SLC30A8: variants seen among roughly 807,000 people sequenced by gnomAD.
The protein encoded by SLC30A8 is proton-coupled zinc antiporter SLC30A8.
In SLC30A8, 27 loss-of-function variants were observed where a neutral mutation model predicts 36.9. The ratio of observed to expected loss-of-function variants is 0.73; its 90% CI spans 0.54 to 1.01. The LOEUF (loss-of-function observed/expected upper bound fraction) is 1.01, where lower values mean the gene tolerates loss of function less well. SLC30A8 is among the 50% of genes least tolerant of loss of function. SLC30A8 has a pLI of 0.00. For missense variants in SLC30A8, 439 were observed against 452.0 expected (o/e 0.97, Z 0.26); for synonymous variants, 164 against 172.4 (o/e 0.95, Z 0.38).
chr8:116,959,432 A>G (rs891994411), intron 1 of SLC30A8, among the ~76,000 whole-genome samples: 6 of 152,148 alleles, frequency 3.9e-5, no homozygotes, highest in African/African-American at 1.4e-4. Context: ...ATTGGCTTCA[A>G]TTGATCGATT....
chr8:117,010,307 T>C (rs1816304357), intron 1 of SLC30A8, among the ~76,000 whole-genome samples: 1 of 152,132 alleles, frequency 6.6e-6, no homozygotes. Context: ...GAAAGGTCAG[T>C]TGTGAGTCCT....
At chr8:117,129,763 T>G (rs997231105) in intron 2 of SLC30A8, 5 of 152,078 alleles carry the variant, frequency 3.3e-5, no homozygotes, top group Non-Finnish European at 7.4e-5. Flanking sequence ...GAGAATAATC[T>G]TTGCTTTAGA....
chr8:117,084,500 C>T (rs1818795162), intron 2 of SLC30A8, among the ~76,000 whole-genome samples: 1 of 152,108 alleles, frequency 6.6e-6, no homozygotes, highest in Non-Finnish European at 1.5e-5. Context: ...TCTTTTACCC[C>T]AGTAATTACC....
intron 1 of SLC30A8, among the ~76,000 whole-genome samples, chr8:116,960,987 C>T (rs904893733): frequency 6.8e-6 from 1 of 147,726 alleles, no homozygotes; most frequent in Admixed American, 6.8e-5. Context: ...ATTATTAGTA[C>T]AGAAGGAAGG....
At chr8:117,079,880 C>T (rs530171089) in intron 2 of SLC30A8, among the ~76,000 whole-genome samples, 18 of 152,300 alleles carry the variant, frequency 1.2e-4, no homozygotes, top group Admixed American at 1.1e-3. Flanking sequence ...TTTAGACTAA[C>T]TTGAATTGAA....
rs772917196 is a variant in SLC30A8, at chr8:116,994,009, G to C, written c.-266+42890G>C. Among the ~76,000 whole-genome samples, 6 of 151,038 alleles carry C rather than the reference G, an allele frequency of 4.0e-5. 1 individual carries two copies. The highest frequency in any genetic ancestry group is 1.5e-4 in the African/African-American group (6 of 40,932). On this transcript the variant is annotated intron_variant, in intron 1 of 10. Transcript: ENST00000427715. ...TATACTTACTAGAGAAATGGGATCT[G>C]TAATTAAAAATCTTGCTACAAACAA...
chr8:116,990,545 C>T (rs1484152856), intron 1 of SLC30A8, among the ~76,000 whole-genome samples: 1 of 152,114 alleles, frequency 6.6e-6, no homozygotes, highest in African/African-American at 2.4e-5. Flanking sequence ...CAGTACTCCT[C>T]AAAACTGTCT....
At chr8:117,064,639 G>T (rs116775906) in intron 2 of SLC30A8, among the ~76,000 whole-genome samples, 1,779 of 152,316 alleles carry the variant, frequency 0.012, 52 homozygotes, top group African/African-American at 0.04. Flanking sequence ...ATGGCAGGGG[G>T]ATGACTCACC....
intron 1 of SLC30A8, among the ~76,000 whole-genome samples, chr8:117,140,370 G>GAATATTAATCTACACATTC (rs1225224527): frequency 6.6e-6 from 1 of 151,896 alleles, no homozygotes; most frequent in African/African-American, 2.4e-5. Flanking sequence ...GAAGTTTGTT[G>GAATATTAATCTACACATTC]AATATTAATC....
At chr8:117,085,571 A>T (rs1349969813) in intron 2 of SLC30A8, among the ~76,000 whole-genome samples, 1 of 152,192 alleles carries the variant, frequency 6.6e-6, no homozygotes, top group Non-Finnish European at 1.5e-5. Flanking sequence ...TACAGGGAAA[A>T]ATATGAGACC....
Position 117,118,328 on chromosome 8 carries a change from T to C in SLC30A8, c.-225-16952T>C, listed in dbSNP as rs1299702868. On this transcript the variant is annotated intron_variant, in intron 2 of 10. Coordinates refer to the SLC30A8 transcript ENST00000427715. Reference sequence around the variant, plus strand: ...TCTAATTTCTCTTCAACTTTTGACATACAACTCAAAACACCTTTTCACAGA... The same window carrying C: ...TCTAATTTCTCTTCAACTTTTGACACACAACTCAAAACACCTTTTCACAGA... Among the ~76,000 whole-genome samples, 6 of 152,104 alleles carry C rather than the reference T, an allele frequency of 3.9e-5. No individual in the cohort carries two copies. The East Asian group carries it at 1.2e-3, about 30-fold the overall frequency.
intron 2 of SLC30A8, among the ~76,000 whole-genome samples, chr8:117,054,513 G>A (rs1390865600): frequency 6.6e-6 from 1 of 152,092 alleles, no homozygotes; most frequent in Non-Finnish European, 1.5e-5. Context: ...TATCCAGTTT[G>A]TCACCATCAA....
chr8:117,013,526 A>G (rs1235810990), intron 1 of SLC30A8, among the ~76,000 whole-genome samples: 1 of 152,208 alleles, frequency 6.6e-6, no homozygotes, highest in Non-Finnish European at 1.5e-5. Flanking sequence ...AAAAGAAAAT[A>G]AAATATTAAT....
chr8:117,016,243 C>T (rs959375218), intron 1 of SLC30A8, among the ~76,000 whole-genome samples: 1 of 152,106 alleles, frequency 6.6e-6, no homozygotes, highest in African/African-American at 2.4e-5. Flanking sequence ...TAACCTTGCG[C>T]ACAGAAAATG....
intron 1 of SLC30A8, among the ~76,000 whole-genome samples, chr8:116,989,069 G>C (rs567424135): frequency 6.6e-6 from 1 of 152,262 alleles, no homozygotes; most frequent in Admixed American, 6.5e-5. Flanking sequence ...AAATAGGCAG[G>C]ATCACATTTA....
chr8:117,087,695 C>CT (rs1818935800), intron 2 of SLC30A8, among the ~76,000 whole-genome samples: 1 of 152,124 alleles, frequency 6.6e-6, no homozygotes, highest in Non-Finnish European at 1.5e-5. Flanking sequence ...CTCTTAGCAA[C>CT]TGATGATACT....
At chr8:117,061,828 A>T (rs193180342) in intron 2 of SLC30A8, among the ~76,000 whole-genome samples, 34 of 152,348 alleles carry the variant, frequency 2.2e-4, no homozygotes, top group Admixed American at 2.2e-3. Flanking sequence ...AGGGCTGAGC[A>T]GGAAATCATG....
intron 1 of SLC30A8, among the ~76,000 whole-genome samples, chr8:117,026,456 A>G (rs138316631): frequency 6.0e-4 from 92 of 152,280 alleles, no homozygotes; most frequent in African/African-American, 2.2e-3. Context: ...TTCTTGTGTA[A>G]GAGTTTTTAG....
intron 2 of SLC30A8, among the ~76,000 whole-genome samples, chr8:117,056,614 G>A (rs1563571895): frequency 6.6e-6 from 1 of 152,098 alleles, no homozygotes; most frequent in Non-Finnish European, 1.5e-5. Flanking sequence ...TTGAGAAGGG[G>A]GACCAGAGAA....
Sources: gnomAD v4.1 joint callset for allele counts (sites outside exome capture counted in the v4.1 genomes callset) on GRCh38, gnomAD v4.1.1 for gene constraint, MANE v1.5 for transcripts, NCBI Gene and HGNC (gene_info 2026-07-23, HGNC 2026-07-21) for gene names.